Variants in TTN observed in about 807,000 individuals in gnomAD.
The protein encoded by TTN is connectin.
Under a neutral mutation model 3,223.0 loss-of-function variants are expected in TTN, and 1,525 were observed. The ratio of observed to expected loss-of-function variants is 0.47; its 90% CI spans 0.45 to 0.49. The LOEUF (loss-of-function observed/expected upper bound fraction) is 0.49, where lower values mean the gene tolerates loss of function less well. Among genes scored for constraint, TTN ranks in the 20% least tolerant of loss-of-function variants. The pLI, the probability that TTN is intolerant of heterozygous loss-of-function variation, is 0.00. For synonymous variants in TTN, 14,094 were observed against 15,161.0 expected, an observed-to-expected ratio of 0.93 and a Z score of 5.17; for missense variants, 40,786 against 43,424.0, an observed-to-expected ratio of 0.94 and a Z score of 5.40.
At position 178,601,866 on chromosome 2, in the gene TTN, A is replaced by T. The variant is rs748243671; in HGVS notation, c.55302+16T>A. 1 of 1,608,542 alleles carries T rather than the reference A, an allele frequency of 6.2e-7. No individual in the cohort carries two copies. Among genetic ancestry groups the T allele is most frequent in the South Asian group, 1.1e-5 (1 of 89,784 alleles). ...GTCAACCATATTCTGAATTATTTTA[A>T]TTATTATTTTTTTACCTGTGCATCT... On this transcript the variant is annotated intron_variant, in intron 285 of 362. Coordinates refer to ENST00000589042, the MANE Select transcript of TTN (RefSeq NM_001267550.2).
rs746480872 is a variant in TTN, at chr2:178,634,545, C to T, written c.42236G>A (p.Arg14079Gln). 100 of 1,613,298 alleles carry T rather than the reference C, an allele frequency of 6.2e-5. No individual in the cohort carries two copies. The highest frequency in any genetic ancestry group is 1.2e-4 in the Admixed American group (7 of 59,982). ...RQARFECVLT[R>Q]EANVIWSKGP... ...TTTGGACCATATAACATTTGCCTCT[C>T]GGGTGAGGACACATTCGAATCGAGC... is the stretch of plus-strand genomic sequence containing the variant. Residue 14079 changes from arginine (R) to glutamine (Q), a missense_variant, in exon 230 of 363, where the codon CGA becomes CAA. Physicochemically the swap from Arg to Gln is conservative, Grantham distance 43. Coordinates refer to ENST00000589042, the MANE Select transcript of TTN (RefSeq NM_001267550.2). This position sits in a 1 kb window ranked among gnomAD's most constrained non-coding sequence, Gnocchi z 4.6.
chr2:178,635,711 G>T lies in TTN; in HGVS notation c.41613C>A (p.Val13871=). The change falls in exon 227 of 363, where the codon GTC becomes GTA. Residue 13871 remains valine, a synonymous_variant. Coordinates refer to ENST00000589042, the MANE Select transcript of TTN (RefSeq NM_001267550.2). ...ECSSCVKVVE[V]IRDWLVKPIR... is the part of the protein sequence containing the mutation. Reference sequence around the variant, plus strand: ...TAGGTTTCACCAGCCAATCTCTAATGACTTCTATATGAAAATAAGATCAGA... The same window carrying T: ...TAGGTTTCACCAGCCAATCTCTAATTACTTCTATATGAAAATAAGATCAGA... The T allele has an allele frequency of 6.3e-7, 1 of 1,597,298 alleles. No individual in the cohort carries two copies.
intron 199 of TTN, 52 bp downstream of exon 199, chr2:178,652,989 T>G: frequency 6.2e-7 from 1 of 1,605,508 alleles, no homozygotes; most frequent in Non-Finnish European, 8.5e-7. Context: ...GAAAAGTATT[T>G]TCAAGAAATG....
rs139957325 is a variant in TTN, at chr2:178,785,985, T to C, written c.2233A>G (p.Lys745Glu). The C allele has an allele frequency of 8.1e-6, 13 of 1,613,982 alleles. No individual in the cohort carries two copies. Among genetic ancestry groups the C allele is most frequent in the Non-Finnish European group, 1.0e-5 (12 of 1,180,006 alleles). ...GGACGTTGGGGAGGCTCAGCTACCT[T>C]TGCGGCGGAAATGCGTTCCTTATAT... ...YGYKERISAA[K>E]VAEPPQRPAS... The change falls in exon 14 of 363, where the codon AAG (lysine) becomes GAG (glutamate). Residue 745 changes from lysine to glutamate, a missense_variant. Lys to Glu is a moderately conservative substitution (Grantham distance 56). Transcript: ENST00000589042.
rs1883086 is a variant in TTN, at chr2:178,663,198, T to A, written c.36700+68A>T. 5.8e-5 allele frequency: 90 copies of A among 1,563,890 alleles called. 1 individual carries two copies. Among genetic ancestry groups the A allele is most frequent in the Admixed American group, 2.7e-4 (14 of 52,658 alleles). The stretch of plus-strand genomic sequence containing the variant: ...TATCATCTTTATGTAGTAGGATTTT[T>A]AACATGTAATTTCCTAGTTAAAATA... On this transcript the variant is annotated intron_variant, in intron 173 of 362. Transcript: ENST00000589042.
rs759955348 is a variant in TTN at position 178,578,644 on chromosome 2, C to G, written c.68296G>C (p.Asp22766His). ...GGAGAACCACCAGTTTTCTTGGGGT[C>G]AGTCCAAGTTAGAGATACTGAATCG... ...RHDSVSLTWT[D>H]PKKTGGSPIT... The change falls in exon 321 of 363, where the codon GAC becomes CAC. Residue 22766 changes from aspartate (D) to histidine (H), a missense_variant. Coordinates refer to ENST00000589042, the MANE Select transcript of TTN (RefSeq NM_001267550.2). The G allele has an allele frequency of 6.2e-7, 1 of 1,612,008 alleles. No individual in the cohort carries two copies. The highest frequency in any genetic ancestry group is 1.1e-5 in the South Asian group (1 of 90,778).
Position 178,532,762 on chromosome 2 carries a change from T to G in TTN, c.103853A>C (p.Lys34618Thr). Residue 34618 changes from lysine (K) to threonine (T), a missense_variant, in exon 358 of 363, where the codon AAA (lysine) becomes ACA (threonine). Coordinates refer to ENST00000589042, the MANE Select transcript of TTN (RefSeq NM_001267550.2). ...TTGGGACAGTTTAGGAATACGCCAT[T>G]TAGGTCTGTATTGATCTGTAATGCG... ...LPRITDQYRP[K>T]WRIPKLSQDD... 1 of 1,613,962 alleles carries G rather than the reference T, an allele frequency of 6.2e-7. No individual in the cohort carries two copies. Among genetic ancestry groups the G allele is most frequent in the Non-Finnish European group, 8.5e-7 (1 of 1,179,848 alleles).
rs1040525694 is a variant in TTN, at chr2:178,528,356, T to G, written c.107295A>C (p.Ser35765=). The change falls in exon 361 of 363, where the codon TCA becomes TCC. Residue 35765 remains serine, a synonymous_variant. Coordinates refer to ENST00000589042, the MANE Select transcript of TTN (RefSeq NM_001267550.2). ...NVYSLEIRNA[S]VSDSGKYTIK... Reference sequence around the variant, plus strand: ...TTGTGTACTTTCCACTGTCGCTGACTGATGCATTTCGGATTTCAAGGGAGT... The same window carrying G: ...TTGTGTACTTTCCACTGTCGCTGACGGATGCATTTCGGATTTCAAGGGAGT... The G allele has an allele frequency of 1.2e-6, 2 of 1,614,004 alleles. No homozygotes were observed. Among genetic ancestry groups the G allele is most frequent in the Non-Finnish European group, 1.7e-6 (2 of 1,179,862 alleles).
chr2:178,756,178 G>A lies in TTN; in HGVS notation c.11254+44C>T, dbSNP rs761772068. On this transcript the variant is annotated intron_variant, in intron 46 of 362. Transcript: ENST00000589042. ...GCATGGCAGAAAAGCTGCATAAAGC[G>A]ATGAGGATGAAATGAAGCAAGTCAT... 8.6e-6 allele frequency: 12 copies of A among 1,394,764 alleles called. No individual in the cohort carries two copies. The East Asian group carries it at 1.6e-4, about 19-fold the overall frequency. The allele number at this position is 1,394,764 out of a possible 1,614,324, so 86.4% of individuals were successfully genotyped here.
chr2:178,664,514 CAACT>C lies in TTN; in HGVS notation c.36222_36225del (p.Val12075SerfsTer82), dbSNP rs1560195658. On this transcript the variant is annotated frameshift_variant, in exon 168 of 363. Coordinates refer to ENST00000589042, the MANE Select transcript of TTN (RefSeq NM_001267550.2). LOFTEE classifies it high-confidence loss of function. The stretch of plus-strand genomic sequence containing the variant: ...GGAGGATGCACTTTCTTTTCCGGGA[CAACT>C]TCTCTGAGAGCCTCCGGCACTTTGA... 1.2e-6 allele frequency: 2 copies of C among 1,612,256 alleles called. No homozygotes were observed. Among genetic ancestry groups the C allele is most frequent in the Non-Finnish European group, 1.7e-6 (2 of 1,179,472 alleles).
chr2:178,688,297 C>T, intron 126 of TTN, 73 bp from the exon 127 acceptor site: 1 of 1,311,640 alleles, frequency 7.6e-7, no homozygotes, highest in Non-Finnish European at 1.1e-6. Flanking sequence ...GTGGTCACTA[C>T]AGATGGATAA....
At position 178,633,658 on chromosome 2, in the gene TTN, G is replaced by A; in HGVS notation, c.42701C>T (p.Thr14234Ile). The A allele has an allele frequency of 6.2e-7, 1 of 1,612,816 alleles. No individual in the cohort carries two copies. Among genetic ancestry groups the A allele is most frequent in the African/African-American group, 1.3e-5 (1 of 75,004 alleles). The change falls in exon 232 of 363, where the codon ACT becomes ATT. Residue 14234 changes from threonine (T) to isoleucine (I), a missense_variant. Transcript: ENST00000589042. ...LKVLEADPYF[T>I]VKLHDKTAVE... is the part of the protein sequence containing the mutation. ...TGCAGTTTTGTCATGTAATTTCACA[G>A]TGAAGTAGGGATCGGCCTCTGTAAA...
Position 178,542,824 on chromosome 2 carries a change from C to T in TTN, c.97030G>A (p.Gly32344Ser), listed in dbSNP as rs778602950. ...CGCTCTGATTCTCTCAGTTTAGAAC[C>T]AGCAAAGAACCAGGAAGCAGCAGGA... ...PPPAASWFFA[G>S]SKLRESERVT... The change falls in exon 348 of 363, where the codon GGT (glycine) becomes AGT (serine). Residue 32344 changes from glycine to serine, a missense_variant. Physicochemically the swap from Gly to Ser is moderately conservative, Grantham distance 56. Transcript: ENST00000589042. 1.5e-5 allele frequency: 24 copies of T among 1,613,616 alleles called. No homozygotes were observed. The South Asian group carries it at 2.0e-4, about 13-fold the overall frequency.
chr2:178,527,653 C>T lies in TTN; in HGVS notation c.107473G>A (p.Ala35825Thr). 6.2e-7 allele frequency: 1 copy of T among 1,613,954 alleles called. No homozygotes were observed. The highest frequency in any genetic ancestry group is 1.1e-5 in the South Asian group (1 of 91,084). The change falls in exon 362 of 363, where the codon GCC becomes ACC. Residue 35825 changes from alanine to threonine, a missense_variant. Transcript: ENST00000589042. ...CTGAAGGAGGCCTCCTGCTTGGAGG[C>T]AGACATTTGGACTGACTGAGACGAG... Reference protein sequence around the residue: ...SFSSQSVQMSASKQEASFSSF... With the variant: ...SFSSQSVQMSTSKQEASFSSF...
In TTN at chr2:178,741,457, C is replaced by G; in HGVS notation, c.11776G>C (p.Ala3926Pro). ...HKDTETESAV[A>P]KSLEKLGGPC... The stretch of plus-strand genomic sequence containing the variant: ...CCTCCCAGCTTTTCCAGAGATTTTG[C>G]CACTGCTGATTCTGTTTCAGTGTCT... Residue 3926 changes from alanine to proline, a missense_variant, in exon 48 of 363, where the codon GCA becomes CCA. Coordinates refer to ENST00000589042, the MANE Select transcript of TTN (RefSeq NM_001267550.2). 6.2e-7 allele frequency: 1 copy of G among 1,613,800 alleles called. No individual in the cohort carries two copies. Among genetic ancestry groups the G allele is most frequent in the Non-Finnish European group, 8.5e-7 (1 of 1,179,792 alleles).
chr2:178,630,769 C>A lies in TTN; in HGVS notation c.44154+35G>T, dbSNP rs774701782. On this transcript the variant is annotated intron_variant, in intron 238 of 362. Transcript: ENST00000589042. Reference sequence around the variant, plus strand: ...CTGTTCTTTTCTAATTCACACAGCTCCTTTAGGTGTTGACAAGTTCAGAAA... The same window carrying A: ...CTGTTCTTTTCTAATTCACACAGCTACTTTAGGTGTTGACAAGTTCAGAAA... 4 of 1,593,840 alleles carry A rather than the reference C, an allele frequency of 2.5e-6. No homozygotes were observed. The South Asian group carries it at 4.6e-5, about 18-fold the overall frequency.
chr2:178,795,931 C>T (rs2093746371), intron 6 of TTN, among the ~76,000 whole-genome samples: 1 of 152,126 alleles, frequency 6.6e-6, no homozygotes, highest in Non-Finnish European at 1.5e-5. Context: ...TTTACACTCG[C>T]CCCCCTTGTA....
At chr2:178,798,049 A>ATATACTTGGATCTAT (rs1247289685) in intron 6 of TTN, among the ~76,000 whole-genome samples, 5 of 151,922 alleles carry the variant, frequency 3.3e-5, no homozygotes, top group Non-Finnish European at 7.4e-5. Context: ...TGAATTCCCT[A>ATATACTTGGATCTAT]TATACTTGGA....
rs188917199 is a variant in TTN, at chr2:178,533,198, C to T, written c.103417G>A (p.Val34473Ile). The T allele has an allele frequency of 6.8e-5, 109 of 1,613,926 alleles. No homozygotes were observed. The highest frequency in any genetic ancestry group is 6.3e-4 in the African/African-American group (47 of 75,026). Reference protein sequence around the residue: ...FKSKEEHERHVQKQIDKTLRM... With the variant: ...FKSKEEHERHIQKQIDKTLRM... ...AGGGTTTTGTCAATTTGTTTTTGTA[C>T]GTGTCGCTCATGCTCCTCCTTACTC... Residue 34473 changes from valine to isoleucine, a missense_variant, in exon 358 of 363, where the codon GTA becomes ATA. Physicochemically the swap from Val to Ile is conservative, Grantham distance 29. Coordinates refer to ENST00000589042, the MANE Select transcript of TTN (RefSeq NM_001267550.2).
Sources: gnomAD v4.1 joint callset for allele counts (sites outside exome capture counted in the v4.1 genomes callset) on GRCh38, gnomAD v4.1.1 for gene constraint, Gnocchi (gnomAD v3.1) non-coding constraint, MANE v1.5 for transcripts, NCBI Gene and HGNC (gene_info 2026-07-23, HGNC 2026-07-21) for gene names.